MAPRE1: variants seen among roughly 807,000 people sequenced by gnomAD.
MAPRE1 encodes microtubule associated protein RP/EB family member 1, also known as microtubule-associated protein RP/EB family member 1.
In MAPRE1, 5 loss-of-function variants were observed where a neutral mutation model predicts 32.1. That is an observed-to-expected ratio of 0.16 (90% CI 0.08 to 0.33). The LOEUF is 0.33. Ranked by LOEUF, MAPRE1 falls within the 10% of genes least tolerant of loss-of-function variation. The pLI, the probability that MAPRE1 is intolerant of heterozygous loss-of-function variation, is 1.00. For synonymous variants in MAPRE1, 122 were observed against 118.9 expected, an observed-to-expected ratio of 1.03 and a Z score of -0.17; for missense variants, 209 against 327.2, an observed-to-expected ratio of 0.64 and a Z score of 2.79.
At chr20:32,844,741 T>TC (rs1983458519) in intron 5 of MAPRE1, among the ~76,000 whole-genome samples, 1 of 152,178 alleles carries the variant, frequency 6.6e-6, no homozygotes, top group African/African-American at 2.4e-5. Context: ...TCTTTCGACT[T>TC]CCTTTCTTCC....
chr20:32,827,605 G>T (rs949871550), intron 2 of MAPRE1, among the ~76,000 whole-genome samples: 2 of 151,490 alleles, frequency 1.3e-5, no homozygotes, highest in African/African-American at 4.8e-5. Context: ...TTAAATTACT[G>T]CCATTGCTTG....
At chr20:32,832,385 A>G (rs971766994) in intron 2 of MAPRE1, among the ~76,000 whole-genome samples, 1 of 79,650 alleles carries the variant, frequency 1.3e-5, no homozygotes, top group African/African-American at 1.1e-4. Flanking sequence ...GTAATAAAAC[A>G]CTTTTTGGAA....
intron 6 of MAPRE1, among the ~76,000 whole-genome samples, chr20:32,847,248 C>T (rs182875698): frequency 1.7e-3 from 260 of 152,342 alleles, no homozygotes; most frequent in Non-Finnish European, 3.0e-3. Flanking sequence ...GTTCTCACTC[C>T]CTCAAAGTAC....
Position 32,821,010 on chromosome 20 carries a change from A to T in MAPRE1, c.-4+982A>T, listed in dbSNP as rs1038671081. On this transcript the variant is annotated intron_variant, in intron 1 of 6. Transcript: ENST00000375571. ...TTAATACTAACACTGTCTTTAAGAG[A>T]GATTCTCTTCTTCCTTTTTTTTTTT... Among the ~76,000 whole-genome samples, 7 of 149,384 alleles carry T rather than the reference A, an allele frequency of 4.7e-5. No individual in the cohort carries two copies. In the East Asian group the frequency reaches 5.9e-4, roughly 13 times the overall value.
intron 5 of MAPRE1, among the ~76,000 whole-genome samples, chr20:32,845,805 A>C: frequency 6.6e-6 from 1 of 152,156 alleles, no homozygotes. Flanking sequence ...CTGTGAGTTC[A>C]GAAGGCTGGA....
chr20:32,834,928 T>C (rs1983145174), intron 3 of MAPRE1, among the ~76,000 whole-genome samples: 2 of 152,228 alleles, frequency 1.3e-5, no homozygotes, highest in Non-Finnish European at 2.9e-5. Context: ...GTTATTGAAG[T>C]GAGTACAGAG....
chr20:32,821,544 A>G (rs1228814539), intron 1 of MAPRE1, among the ~76,000 whole-genome samples: 1 of 152,184 alleles, frequency 6.6e-6, no homozygotes, highest in Non-Finnish European at 1.5e-5. Context: ...GAAGCTTAGG[A>G]CGTGATGTGC....
At chr20:32,845,372 T>C (rs1983481088) in intron 5 of MAPRE1, among the ~76,000 whole-genome samples, 1 of 152,178 alleles carries the variant, frequency 6.6e-6, no homozygotes, top group South Asian at 2.1e-4. Flanking sequence ...TTTCAATTAT[T>C]TTTTATTTCT....
rs1259807686 is a variant in MAPRE1 at position 32,836,491 on chromosome 20, A to G, written c.268-143A>G. 3 of 589,488 alleles carry G rather than the reference A, an allele frequency of 5.1e-6. No homozygotes were observed. In the African/African-American group the frequency reaches 5.6e-5, roughly 11 times the overall value. The allele number at this position is 589,488 out of a possible 1,614,324, so 36.5% of individuals were successfully genotyped here. ...AGGCAAACTGCATGAAACTTGCTTT[A>G]TAAATTTAGGGGCTTAGCCCTAAGG... On this transcript the variant is annotated intron_variant, in intron 3 of 6. Coordinates refer to ENST00000375571, the MANE Select transcript of MAPRE1 (RefSeq NM_012325.3).
chr20:32,836,126 T>A (rs984008301), intron 3 of MAPRE1, among the ~76,000 whole-genome samples: 1 of 151,632 alleles, frequency 6.6e-6, no homozygotes, highest in African/African-American at 2.4e-5. Flanking sequence ...ACCTGCCTAA[T>A]TTTTTTGTAT....
Position 32,826,191 on chromosome 20 carries a change from C to T in MAPRE1, c.121+143C>T, listed in dbSNP as rs114528398. The T allele has an allele frequency of 7.2e-4, 444 of 615,756 alleles. 2 individuals are homozygous for T. In the African/African-American group the frequency reaches 7.7e-3, roughly 11 times the overall value. The allele number at this position is 615,756 out of a possible 1,614,324, so 38.1% of individuals were successfully genotyped here. A position where few individuals can be genotyped will look rare whatever the true frequency, so the allele number is the denominator to read the frequency against. ...CCCTGTTTCTTCCTCTCAGCCCTGC[C>T]TTTGCTTCTGCTTCCAAAGGAACTT... On this transcript the variant is annotated intron_variant, in intron 2 of 6. Transcript: ENST00000375571.
chr20:32,841,466 A>AATTATT lies in MAPRE1; in HGVS notation c.597+1622_597+1627dup, dbSNP rs977301701. Among the ~76,000 whole-genome samples the AATTATT allele has an allele frequency of 1.8e-4, 26 of 145,434 alleles. No individual in the cohort carries two copies. In the East Asian group the frequency reaches 4.1e-3, roughly 23 times the overall value. ...CTCTGCTCAGCTCTTTTTTTTTTTT[A>AATTATT]ATTATTATTATTATTATACTTTAAG... On this transcript the variant is annotated intron_variant, in intron 5 of 6. Transcript: ENST00000375571.
chr20:32,844,527 G>C (rs1475239570), intron 5 of MAPRE1, among the ~76,000 whole-genome samples: 2 of 121,266 alleles, frequency 1.6e-5, no homozygotes, highest in Non-Finnish European at 3.2e-5. Flanking sequence ...TGATTCCCCT[G>C]CCTCAACCTC....
intron 2 of MAPRE1, among the ~76,000 whole-genome samples, chr20:32,831,464 CTT>C (rs76802491): frequency 1.1e-4 from 15 of 135,908 alleles, no homozygotes; most frequent in Admixed American, 7.4e-5. Flanking sequence ...AAGTTGTTGA[CTT>C]TTTTTTTTTT....
chr20:32,843,359 T>C (rs1983415736), intron 5 of MAPRE1: 1 of 152,108 alleles, frequency 6.6e-6, no homozygotes, highest in Non-Finnish European at 1.5e-5. Flanking sequence ...GTGGTATTCG[T>C]ATCCTTGGGA....
At position 32,843,636 on chromosome 20, in the gene MAPRE1, G is replaced by C. The variant is rs769540862; in HGVS notation, c.598-2982G>C. The stretch of plus-strand genomic sequence containing the variant: ...ATCAATGAGCTGTTTTACATTTGAA[G>C]ACTCTGCTAGGTCTTTGAAATCAGG... On this transcript the variant is annotated intron_variant, in intron 5 of 6. Transcript: ENST00000375571. 3.9e-5 allele frequency: 6 copies of C among 152,182 alleles called. No homozygotes were observed. The South Asian group carries it at 1.2e-3, about 32-fold the overall frequency. 9.4% of individuals were successfully genotyped at this position (152,182 alleles called of 1,614,324 possible).
chr20:32,828,441 ATG>A (rs1423721184), intron 2 of MAPRE1, among the ~76,000 whole-genome samples: 7 of 152,238 alleles, frequency 4.6e-5, no homozygotes, highest in Admixed American at 3.3e-4. Context: ...TAAGTTGTAT[ATG>A]TGCTGATCGG....
At chr20:32,847,226 G>C (rs952762299) in intron 6 of MAPRE1, among the ~76,000 whole-genome samples, 6 of 152,150 alleles carry the variant, frequency 3.9e-5, no homozygotes, top group Admixed American at 1.3e-4. Context: ...CTCCCTCCTA[G>C]GAGTTTGCCT....
At chr20:32,828,014 CTTGTCTTGTTATTTCCTT>C (rs1982914120) in intron 2 of MAPRE1, among the ~76,000 whole-genome samples, 1 of 150,204 alleles carries the variant, frequency 6.7e-6, no homozygotes, top group Non-Finnish European at 1.5e-5. Context: ...GTTTCATTGA[CTTGTCTTGTTATTTCCTT>C]GGTGAGGTGT....
Sources: allele counts gnomAD v4.1 joint callset (sites outside exome capture counted in the v4.1 genomes callset), GRCh38; gene constraint gnomAD v4.1.1; transcripts MANE v1.5; gene names NCBI Gene and HGNC (gene_info 2026-07-23, HGNC 2026-07-21).